The following MACROD2 variants were observed in gnomAD, a reference collection of about 807,000 sequenced individuals.
MACROD2 encodes ADP-ribose glycohydrolase MACROD2.
MACROD2 carries 36 observed loss-of-function variants against 70.4 expected under a neutral mutation model. That is an observed-to-expected ratio of 0.51 (90% CI 0.39 to 0.68). MACROD2 has a LOEUF of 0.68. Among genes scored for constraint, MACROD2 ranks in the 30% least tolerant of loss-of-function variants. The pLI, the probability that MACROD2 is intolerant of heterozygous loss-of-function variation, is 0.00. For missense variants in MACROD2, 496 were observed against 538.4 expected, an observed-to-expected ratio of 0.92 and a Z score of 0.78; for synonymous variants, 172 against 178.8, an observed-to-expected ratio of 0.96 and a Z score of 0.30.
chr20:15,405,654 T>A (rs577211353), intron 6 of MACROD2, among the ~76,000 whole-genome samples: 2 of 152,274 alleles, frequency 1.3e-5, no homozygotes, highest in South Asian at 4.1e-4. Flanking sequence ...GTTTCTTTAC[T>A]CCTCCTGTCT....
At chr20:14,184,207 T>G (rs2081326788) in intron 3 of MACROD2, among the ~76,000 whole-genome samples, 1 of 152,172 alleles carries the variant, frequency 6.6e-6, no homozygotes, top group Admixed American at 6.5e-5. Context: ...TGAATTTGTA[T>G]GTGGTGTAAG....
intron 8 of MACROD2, among the ~76,000 whole-genome samples, chr20:15,537,102 G>A (rs1044585520): frequency 3.9e-5 from 6 of 152,106 alleles, no homozygotes; most frequent in Admixed American, 2.6e-4. Flanking sequence ...GGACCCAGTC[G>A]GACATAATTG....
At chr20:15,348,289 C>G (rs1274056196) in intron 6 of MACROD2, among the ~76,000 whole-genome samples, 1 of 152,180 alleles carries the variant, frequency 6.6e-6, no homozygotes, top group African/African-American at 2.4e-5. Context: ...ACCATCCAAC[C>G]AGGAGCGCTG....
At chr20:16,022,241 C>T (rs1376534420) in intron 15 of MACROD2, among the ~76,000 whole-genome samples, 6 of 152,084 alleles carry the variant, frequency 3.9e-5, no homozygotes, top group South Asian at 2.1e-4. Flanking sequence ...TTAGTAGAGA[C>T]GGGGTTTCAC....
At chr20:15,561,625 G>T (rs763359214) in intron 8 of MACROD2, among the ~76,000 whole-genome samples, 5 of 152,082 alleles carry the variant, frequency 3.3e-5, no homozygotes, top group African/African-American at 4.8e-5. Context: ...TTAAATGAAT[G>T]AATGAGAGAG....
chr20:14,076,506 G>A (rs1227712338), intron 2 of MACROD2, among the ~76,000 whole-genome samples: 1 of 151,412 alleles, frequency 6.6e-6, no homozygotes, highest in African/African-American at 2.4e-5. Context: ...AACCCCAAAC[G>A]CACACACATA....
chr20:15,550,256 T>C (rs2048077836), intron 8 of MACROD2, among the ~76,000 whole-genome samples: 1 of 148,268 alleles, frequency 6.7e-6, no homozygotes, highest in Non-Finnish European at 1.5e-5. Flanking sequence ...ATAAGAAATA[T>C]TTAAATAAAT....
intron 6 of MACROD2, among the ~76,000 whole-genome samples, chr20:15,285,817 C>A (rs1476194243): frequency 6.6e-6 from 1 of 152,094 alleles, no homozygotes; most frequent in Non-Finnish European, 1.5e-5. Flanking sequence ...ACAGAAGTTC[C>A]TACTATGAAA....
rs564859887 is a variant in MACROD2 at position 14,136,234 on chromosome 20, C to A, written c.271+50506C>A. Reference sequence around the variant, plus strand: ...CCAAGTGTTATTTTATTAAAAAAAACAACTCAAAATGGATCGTAGACTTAA... The same window carrying A: ...CCAAGTGTTATTTTATTAAAAAAAAAAACTCAAAATGGATCGTAGACTTAA... On this transcript the variant is annotated intron_variant, in intron 3 of 17. Coordinates refer to ENST00000684519, the MANE Select transcript of MACROD2 (RefSeq NM_001351661.2). Among the ~76,000 whole-genome samples, 22 of 151,738 alleles carry A rather than the reference C, an allele frequency of 1.4e-4. No homozygotes were observed. The East Asian group carries it at 2.7e-3, about 19-fold the overall frequency.
chr20:15,838,811 TAATGCA>T (rs1203250583), intron 8 of MACROD2, among the ~76,000 whole-genome samples: 3 of 152,184 alleles, frequency 2.0e-5, no homozygotes, highest in Non-Finnish European at 4.4e-5. Context: ...TAAAATGGAC[TAATGCA>T]ACTGTAAGCT....
intron 5 of MACROD2, among the ~76,000 whole-genome samples, chr20:15,184,211 G>C (rs2076519788): frequency 6.6e-6 from 1 of 152,130 alleles, no homozygotes; most frequent in Non-Finnish European, 1.5e-5. Context: ...TACTGCCCCT[G>C]CTTCATGATA....
intron 10 of MACROD2, among the ~76,000 whole-genome samples, chr20:15,915,131 G>A (rs1036285094): frequency 5.9e-5 from 9 of 152,026 alleles, no homozygotes; most frequent in Non-Finnish European, 8.8e-5. Context: ...TGGAGGTTCC[G>A]TGACATTGGC....
At chr20:15,998,126 G>A (rs577240616) in intron 15 of MACROD2, among the ~76,000 whole-genome samples, 1 of 152,196 alleles carries the variant, frequency 6.6e-6, no homozygotes, top group East Asian at 1.9e-4. Flanking sequence ...AAGGGTATTG[G>A]CCTTTAATTT....
chr20:14,211,306 T>A (rs941497778), intron 3 of MACROD2, among the ~76,000 whole-genome samples: 4 of 152,290 alleles, frequency 2.6e-5, no homozygotes, highest in African/African-American at 9.6e-5. Flanking sequence ...AAAATAGAGA[T>A]AATAACTATA....
intron 6 of MACROD2, among the ~76,000 whole-genome samples, chr20:15,347,879 T>G (rs1227305228): frequency 2.6e-5 from 4 of 152,220 alleles, no homozygotes; most frequent in Non-Finnish European, 5.9e-5. Context: ...GTGAATGAAT[T>G]TTTTGGCTGA....
At chr20:16,015,135 A>G (rs1035486181) in intron 15 of MACROD2, among the ~76,000 whole-genome samples, 10 of 152,214 alleles carry the variant, frequency 6.6e-5, no homozygotes, top group Non-Finnish European at 1.2e-4. Flanking sequence ...TTATATGTAT[A>G]GAAACCTGGT....
chr20:14,166,692 ACT>A (rs1438600016), intron 3 of MACROD2, among the ~76,000 whole-genome samples: 1 of 150,234 alleles, frequency 6.7e-6, no homozygotes, highest in Non-Finnish European at 1.5e-5. Context: ...CTTCCATCCC[ACT>A]CTCTGTATCT....
At chr20:14,689,291 G>A (rs916228857) in intron 5 of MACROD2, among the ~76,000 whole-genome samples, 1 of 152,150 alleles carries the variant, frequency 6.6e-6, no homozygotes, top group Non-Finnish European at 1.5e-5. Context: ...TCTTCAAATA[G>A]CATTATATCA....
intron 5 of MACROD2, among the ~76,000 whole-genome samples, chr20:15,195,195 C>T (rs977779940): frequency 6.6e-6 from 1 of 152,160 alleles, no homozygotes; most frequent in African/African-American, 2.4e-5. Flanking sequence ...GTGGCAAAAA[C>T]ACCAGAAGCA....
Sources: gnomAD v4.1 joint callset for allele counts (sites outside exome capture counted in the v4.1 genomes callset) on GRCh38, gnomAD v4.1.1 for gene constraint, MANE v1.5 for transcripts, NCBI Gene and HGNC (gene_info 2026-07-23, HGNC 2026-07-21) for gene names.